The following TBC1D21 variants were observed in gnomAD, a reference collection of about 807,000 sequenced individuals.
TBC1D21 encodes the protein male germ cell Rab GTPase-activating protein.
In TBC1D21, 38 loss-of-function variants were observed where a neutral mutation model predicts 46.0. The observed-to-expected ratio is 0.83, with a 90% CI of 0.64 to 1.08. The LOEUF is 1.08. Among genes scored for constraint, TBC1D21 ranks in the 50% least tolerant of loss-of-function variants. The probability of loss-of-function intolerance (pLI) is 0.00; values close to 1 mark genes in which losing one functional copy is unlikely to be tolerated. For synonymous variants in TBC1D21, 151 were observed against 157.2 expected, an observed-to-expected ratio of 0.96 and a Z score of 0.29; for missense variants, 415 against 417.9, an observed-to-expected ratio of 0.99 and a Z score of 0.06.
intron 2 of TBC1D21, 58 bp downstream of exon 2, chr15:73,881,564 G>A (rs922224297): frequency 6.2e-7 from 1 of 1,600,934 alleles, no homozygotes; most frequent in Non-Finnish European, 8.6e-7. Flanking sequence ...GATGGGCAGG[G>A]GGCAGGTGTG....
rs371945631 is a variant in TBC1D21 at position 73,888,483 on chromosome 15, C to A, written c.948C>A (p.Cys316Ter). The A allele has an allele frequency of 1.2e-6, 2 of 1,614,098 alleles. No individual in the cohort carries two copies. Among genetic ancestry groups the A allele is most frequent in the East Asian group, 4.5e-5 (2 of 44,886 alleles). ...LDADELISAA[C>*]VVYAELIQKD... ...CTGATGAGCTGATCTCTGCCGCCTGCGTGGTTTATGCTGAGCTCATCCAGA... is the reference window on the plus strand; with the variant it reads ...CTGATGAGCTGATCTCTGCCGCCTGAGTGGTTTATGCTGAGCTCATCCAGA... The change falls in exon 10 of 11, where the codon TGC becomes TGA. Residue 316 changes from cysteine to a stop codon, truncating the protein, a stop_gained. Transcript: ENST00000300504. LOFTEE classifies it high-confidence loss of function.
downstream of TBC1D21, among the ~76,000 whole-genome samples, chr15:73,894,012 G>A (rs138812983): frequency 6.6e-6 from 1 of 152,182 alleles, no homozygotes. Context: ...TTCTGATTCT[G>A]ATTTCACCCT....
chr15:73,889,621 T>C (rs1031939544), downstream of TBC1D21, among the ~76,000 whole-genome samples: 3 of 152,240 alleles, frequency 2.0e-5, no homozygotes, highest in Non-Finnish European at 4.4e-5. Flanking sequence ...AGAGATTTCC[T>C]GCTAGTCTGT....
chr15:73,901,671 C>T, the TBC1D21 span, among the ~76,000 whole-genome samples: 1 of 152,172 alleles, frequency 6.6e-6, no homozygotes, highest in Non-Finnish European at 1.5e-5. Flanking sequence ...CTTTTCTAGC[C>T]TCTGGGTGCT....
chr15:73,877,817 A>G (rs1007688301), intron 1 of TBC1D21, among the ~76,000 whole-genome samples: 5 of 152,256 alleles, frequency 3.3e-5, no homozygotes, highest in Non-Finnish European at 7.3e-5. Context: ...AAAGAAAACC[A>G]TATGACCATT....
the TBC1D21 span, among the ~76,000 whole-genome samples, chr15:73,899,043 T>A: frequency 1.3e-5 from 2 of 151,932 alleles, no homozygotes; most frequent in African/African-American, 4.8e-5. Context: ...ACATTGTAAT[T>A]GGGAACAGCA....
At chr15:73,903,773 G>C in the TBC1D21 span, among the ~76,000 whole-genome samples, 1 of 152,132 alleles carries the variant, frequency 6.6e-6, no homozygotes, top group Non-Finnish European at 1.5e-5. Context: ...TGTATATTCT[G>C]GGCTGGGCAC....
the TBC1D21 span, among the ~76,000 whole-genome samples, chr15:73,907,436 A>G: frequency 2.6e-5 from 4 of 152,210 alleles, no homozygotes; most frequent in East Asian, 7.7e-4. Flanking sequence ...AATTGGAGAG[A>G]CAGGAACCAA....
At chr15:73,902,634 A>G in the TBC1D21 span, among the ~76,000 whole-genome samples, 15 of 152,090 alleles carry the variant, frequency 9.9e-5, no homozygotes, top group Non-Finnish European at 1.8e-4. Context: ...CTGTCATTGC[A>G]TGCCTGCCTC....
chr15:73,885,239 G>C, intron 6 of TBC1D21, 136 bp downstream of exon 6: 1 of 780,310 alleles, frequency 1.3e-6, no homozygotes. Context: ...GAGCCTGGGA[G>C]GGTGACGCTA....
chr15:73,885,219 G>A, intron 6 of TBC1D21, 116 bp downstream of exon 6: 2 of 914,462 alleles, frequency 2.2e-6, no homozygotes, highest in South Asian at 1.5e-5. Context: ...CAGGCTTCTG[G>A]GTCTCAGAGG....
At chr15:73,887,242 C>T (rs539629480) in intron 8 of TBC1D21, among the ~76,000 whole-genome samples, 103 of 152,326 alleles carry the variant, frequency 6.8e-4, no homozygotes, top group African/African-American at 2.4e-3. Flanking sequence ...CACACCCAGG[C>T]CTTTGGTGAC....
rs936958706 is a variant in TBC1D21 at position 73,885,221 on chromosome 15, T to C, written c.579+118T>C. On this transcript the variant is annotated intron_variant, in intron 6 of 10. Coordinates refer to ENST00000300504, the MANE Select transcript of TBC1D21 (RefSeq NM_153356.3). ...CAGCCATTCCTTCCAGGCTTCTGGG[T>C]CTCAGAGGAGCCTGGGAGGGTGACG... 6.6e-6 allele frequency: 6 copies of C among 911,152 alleles called. No homozygotes were observed. The African/African-American group carries it at 9.8e-5, about 15-fold the overall frequency. The allele number at this position is 911,152 out of a possible 1,614,324, so 56.4% of individuals were successfully genotyped here. A position where few individuals can be genotyped will look rare whatever the true frequency, so the allele number is the denominator to read the frequency against.
In TBC1D21 at chr15:73,886,149, G is replaced by A. The variant is rs115208108; in HGVS notation, c.651G>A (p.Leu217=). The A allele has an allele frequency of 2.6e-4, 416 of 1,614,198 alleles. 2 individuals are homozygous for A. The African/African-American group carries it at 4.9e-3, about 19-fold the overall frequency. ...LDMLSTLITF[L]DPVFAEHLKG... is the part of the protein sequence containing the mutation. ...TGCTCAGCACCCTGATCACCTTCCT[G>A]GACCCCGTGTTTGCTGAGCACCTAA... Residue 217 remains leucine, a synonymous_variant, in exon 7 of 11, where the codon CTG becomes CTA. Coordinates refer to ENST00000300504, the MANE Select transcript of TBC1D21 (RefSeq NM_153356.3).
At chr15:73,895,693 A>C in the TBC1D21 span, among the ~76,000 whole-genome samples, 1 of 152,170 alleles carries the variant, frequency 6.6e-6, no homozygotes, top group African/African-American at 2.4e-5. Flanking sequence ...TCAATCTTTC[A>C]ACTAGACAGC....
Position 73,886,116 on chromosome 15 carries a change from C to A in TBC1D21, c.618C>A (p.Asn206Lys), listed in dbSNP as rs2068241167. 1.9e-6 allele frequency: 3 copies of A among 1,614,184 alleles called. No individual in the cohort carries two copies. In the East Asian group the frequency reaches 6.7e-5, roughly 36 times the overall value. ...SCVINIGVAK[N>K]LDMLSTLITF... ...TCATCAACATTGGCGTGGCCAAGAA[C>A]CTAGACATGCTCAGCACCCTGATCA... is the stretch of plus-strand genomic sequence containing the variant. The change falls in exon 7 of 11, where the codon AAC (asparagine) becomes AAA (lysine). Residue 206 changes from asparagine (N) to lysine (K), a missense_variant. Physicochemically the swap from Asn to Lys is moderately conservative, Grantham distance 94. Transcript: ENST00000300504.
Position 73,887,649 on chromosome 15 carries a change from C to A in TBC1D21, c.807C>A (p.Asn269Lys). 6.2e-7 allele frequency: 1 copy of A among 1,614,126 alleles called. No individual in the cohort carries two copies. The highest frequency in any genetic ancestry group is 8.5e-7 in the Non-Finnish European group (1 of 1,180,006). Residue 269 changes from asparagine (N) to lysine (K), a missense_variant, in exon 9 of 11, where the codon AAC (asparagine) becomes AAA (lysine). By Grantham distance (94) the Asn-to-Lys change is moderately conservative (BLOSUM62 0). Transcript: ENST00000300504. ...EVLLTGKPCRNFQVLVAYSML... is the reference protein window; with the variant it reads ...EVLLTGKPCRKFQVLVAYSML... ...TGCTGACGGGGAAGCCCTGCAGGAA[C>A]TTCCAGGTGCTGGTGGCCTACAGCA...
the TBC1D21 span, among the ~76,000 whole-genome samples, chr15:73,897,923 G>T: frequency 2.0e-5 from 3 of 149,274 alleles, no homozygotes; most frequent in African/African-American, 7.3e-5. Context: ...GGACCCACGC[G>T]CCGCCTCTAC....
chr15:73,888,867 C>T (rs1357336460), intron 10 of TBC1D21, among the ~76,000 whole-genome samples: 1 of 152,192 alleles, frequency 6.6e-6, no homozygotes, highest in African/African-American at 2.4e-5. Context: ...TCCTCATGGT[C>T]TTCTCGTTGT....
Sources: gnomAD v4.1 joint callset for allele counts (sites outside exome capture counted in the v4.1 genomes callset) on GRCh38, gnomAD v4.1.1 for gene constraint, MANE v1.5 for transcripts, NCBI Gene and HGNC (gene_info 2026-07-23, HGNC 2026-07-21) for gene names.